The following ERICH1 variants were observed in gnomAD, a reference collection of about 807,000 sequenced individuals.
ERICH1 encodes the protein glutamate-rich protein 1.
ERICH1 carries 56 observed loss-of-function variants against 39.6 expected under a neutral mutation model. The observed-to-expected ratio is 1.41, with a 90% CI of 1.14 to 1.77. ERICH1 has a LOEUF of 1.77. Ranked by LOEUF, ERICH1 falls within the 40% of genes most tolerant of loss-of-function variation. ERICH1 has a pLI of 0.00. For synonymous variants in ERICH1, 313 were observed against 223.6 expected, an observed-to-expected ratio of 1.40 and a Z score of -3.57; for missense variants, 826 against 575.4, an observed-to-expected ratio of 1.44 and a Z score of -4.45.
intron 1 of ERICH1, 91 bp downstream of exon 1, chr8:731,049 G>A (rs1385867780): frequency 2.3e-5 from 31 of 1,341,376 alleles, no homozygotes; most frequent in African/African-American, 1.4e-4. Flanking sequence ...GCCTGGAAAG[G>A]GGCCGGGGTC....
Position 664,497 on chromosome 8 carries a change from C to T in ERICH1, c.*106G>A. ...ACAAACACGTGAATAAATAATATGG[C>T]ATAAATGTCTTTCAAGTTCCCAGAG... On this transcript the variant is annotated 3_prime_UTR_variant, in exon 6 of 6. Coordinates refer to ENST00000262109, the MANE Select transcript of ERICH1 (RefSeq NM_207332.3). 2 of 1,401,034 alleles carry T rather than the reference C, an allele frequency of 1.4e-6. No individual in the cohort carries two copies. Among genetic ancestry groups the T allele is most frequent in the East Asian group, 4.8e-5 (2 of 41,554 alleles). 86.8% of individuals were successfully genotyped at this position (1,401,034 alleles called of 1,614,324 possible).
At chr8:614,751 T>C (rs1163709544) in exon 4 of ERICH1, 2 of 153,926 alleles carry the variant, frequency 1.3e-5, no homozygotes, top group African/African-American at 4.8e-5. Flanking sequence ...CTTCATTTCA[T>C]CAATTCATTC....
chr8:640,598 T>C (rs571077199), intron 3 of ERICH1: 21 of 152,328 alleles, frequency 1.4e-4, no homozygotes, highest in African/African-American at 4.6e-4. Context: ...GCTGCAGATG[T>C]AGAGAATCAC....
exon 4 of ERICH1, chr8:615,274 G>A (rs572893149): frequency 1.0e-5 from 7 of 694,522 alleles, no homozygotes; most frequent in Non-Finnish European, 1.8e-5. Context: ...CTTTAAGTCT[G>A]CTTAGGACTC....
chr8:628,952 G>A (rs955996297), intron 3 of ERICH1, among the ~76,000 whole-genome samples: 1 of 152,084 alleles, frequency 6.6e-6, no homozygotes, highest in African/African-American at 2.4e-5. Flanking sequence ...AAGACTAAAG[G>A]AGGTGGGAGG....
intron 2 of ERICH1, among the ~76,000 whole-genome samples, chr8:694,038 A>G (rs1485005404): frequency 6.6e-6 from 1 of 152,230 alleles, no homozygotes; most frequent in Non-Finnish European, 1.5e-5. Context: ...CGTGACAAAC[A>G]CAAGTGGACA....
chr8:694,634 C>T (rs745883731), intron 2 of ERICH1, among the ~76,000 whole-genome samples: 4 of 152,236 alleles, frequency 2.6e-5, no homozygotes, highest in Non-Finnish European at 5.9e-5. Flanking sequence ...ACAGGCACCA[C>T]GCAGACAGGA....
At chr8:670,842 C>T (rs1007088905) in intron 4 of ERICH1, among the ~76,000 whole-genome samples, 3 of 151,490 alleles carry the variant, frequency 2.0e-5, no homozygotes, top group Non-Finnish European at 2.9e-5. Flanking sequence ...ACCTCTGAAC[C>T]CACTGGCCCC....
intron 3 of ERICH1, among the ~76,000 whole-genome samples, chr8:620,265 T>A (rs559172651): frequency 6.6e-6 from 1 of 152,334 alleles, no homozygotes; most frequent in East Asian, 1.9e-4. Flanking sequence ...TGAGCCGAGA[T>A]TGTGCCACTG....
At chr8:643,075 G>A (rs902609237) in intron 3 of ERICH1, among the ~76,000 whole-genome samples, 5 of 152,278 alleles carry the variant, frequency 3.3e-5, no homozygotes, top group South Asian at 2.1e-4. Context: ...CGCCCCTCAC[G>A]GCCCCAGGAC....
chr8:690,147 G>A (rs1428433697), intron 3 of ERICH1, among the ~76,000 whole-genome samples: 4 of 152,156 alleles, frequency 2.6e-5, no homozygotes, highest in Non-Finnish European at 4.4e-5. Flanking sequence ...AACCCAGGTG[G>A]CAGAGGTCCC....
chr8:666,285 A>T (rs1200338649), intron 5 of ERICH1: 4 of 152,234 alleles, frequency 2.6e-5, no homozygotes, highest in Non-Finnish European at 5.9e-5. Flanking sequence ...AGCAAAAATT[A>T]AAAAAATTAA....
chr8:665,177 CGATGCCACAATCG>C (rs1801998440), intron 5 of ERICH1, among the ~76,000 whole-genome samples: 2 of 149,188 alleles, frequency 1.3e-5, no homozygotes, highest in African/African-American at 5.0e-5. Flanking sequence ...ACCACAATCG[CGATGCCACAATCG>C]CCCCTGATGT....
chr8:726,318 G>C (rs1206190107), intron 1 of ERICH1, among the ~76,000 whole-genome samples: 1 of 152,008 alleles, frequency 6.6e-6, no homozygotes, highest in African/African-American at 2.4e-5. Flanking sequence ...GCCACACGCA[G>C]ACACGTGTAT....
At chr8:690,521 C>T (rs149179823) in intron 3 of ERICH1, among the ~76,000 whole-genome samples, 1,807 of 152,354 alleles carry the variant, frequency 0.012, 35 homozygotes, top group African/African-American at 0.041. Flanking sequence ...CAGCAAGTGC[C>T]GCTGCGGGGG....
intron 3 of ERICH1, among the ~76,000 whole-genome samples, chr8:622,498 A>C (rs1049708777): frequency 6.6e-6 from 1 of 152,154 alleles, no homozygotes; most frequent in Non-Finnish European, 1.5e-5. Context: ...CTAGATACTA[A>C]ATCTGGTGGT....
At chr8:694,031 G>C (rs563880982) in intron 2 of ERICH1, among the ~76,000 whole-genome samples, 2 of 152,210 alleles carry the variant, frequency 1.3e-5, no homozygotes, top group African/African-American at 2.4e-5. Context: ...TCTTGCACGT[G>C]ACAAACACAA....
intron 3 of ERICH1, among the ~76,000 whole-genome samples, 190 bp downstream of exon 3, chr8:692,288 A>G (rs1293388805): frequency 6.6e-6 from 1 of 152,198 alleles, no homozygotes; most frequent in Non-Finnish European, 1.5e-5. Context: ...TGTCATTACA[A>G]GTCTTTTAAG....
At position 684,986 on chromosome 8, in the gene ERICH1, A is replaced by G. The variant is rs550684781; in HGVS notation, c.304+7492T>C. 3.9e-5 allele frequency among the ~76,000 whole-genome samples: 6 copies of G among 152,354 alleles called. No homozygotes were observed. In the East Asian group the frequency reaches 7.7e-4, roughly 20 times the overall value. ...AAGTTTCATGTTCCACTGTGCATAC[A>G]TTGTCATTGATAACAGGGTTCAAGA... On this transcript the variant is annotated intron_variant, in intron 3 of 5. Transcript: ENST00000262109.
Sources: gnomAD v4.1 joint callset for allele counts (sites outside exome capture counted in the v4.1 genomes callset) on GRCh38, gnomAD v4.1.1 for gene constraint, MANE v1.5 for transcripts, NCBI Gene and HGNC (gene_info 2026-07-23, HGNC 2026-07-21) for gene names.